ANK3: variants seen among roughly 807,000 people sequenced by gnomAD.
The protein encoded by ANK3 is ankyrin-3.
A neutral mutation model predicts 370.9 loss-of-function variants in ANK3; 57 were observed. The ratio of observed to expected loss-of-function variants is 0.15; its 90% confidence interval spans 0.12 to 0.19. The LOEUF is 0.19. ANK3 is among the 10% of genes least tolerant of loss of function. The pLI is 1.00. For missense variants in ANK3, 4,439 were observed against 5,302.1 expected, an observed-to-expected ratio of 0.84 and a Z score of 5.06; for synonymous variants, 1,929 against 1,946.3, an observed-to-expected ratio of 0.99 and a Z score of 0.23.
At chr10:60,386,535 C>T (rs974799191) in intron 1 of ANK3, among the ~76,000 whole-genome samples, 1 of 150,318 alleles carries the variant, frequency 6.7e-6, no homozygotes, top group Non-Finnish European at 1.5e-5. Flanking sequence ...AAGTTCTGTA[C>T]TGCTTTTTTT....
chr10:60,516,774 C>A (rs1251961887), intron 2 of ANK3, among the ~76,000 whole-genome samples: 1 of 152,040 alleles, frequency 6.6e-6, no homozygotes, highest in Non-Finnish European at 1.5e-5. Context: ...CAAGACCCTA[C>A]TTTGTACATT....
intron 2 of ANK3, among the ~76,000 whole-genome samples, chr10:60,518,337 C>G (rs2076271272): frequency 1.3e-5 from 2 of 152,084 alleles, no homozygotes; most frequent in South Asian, 2.1e-4. Flanking sequence ...ACGTAGCAGG[C>G]CTATACTGTT....
At chr10:60,055,485 A>G (rs916246471) in intron 42 of ANK3, among the ~76,000 whole-genome samples, 173 bp downstream of exon 42, 3 of 151,900 alleles carry the variant, frequency 2.0e-5, no homozygotes, top group African/African-American at 7.3e-5. Context: ...TTTTTTACCT[A>G]TGTGTTTAAC....
chr10:60,548,206 CTTTTTTTTTTTTTTTTTTT>C (rs537459971), intron 2 of ANK3, among the ~76,000 whole-genome samples: 1 of 88,342 alleles, frequency 1.1e-5, no homozygotes, highest in African/African-American at 4.3e-5. Flanking sequence ...TAAATATTTC[CTTTTTTTTTTTTTTTTTTT>C]TTTTTTTTTG....
In ANK3 at chr10:60,138,946, A is replaced by T; in HGVS notation, c.2738+18T>A. The T allele has an allele frequency of 6.2e-7, 1 of 1,611,594 alleles. No homozygotes were observed. Among genetic ancestry groups the T allele is most frequent in the Non-Finnish European group, 8.5e-7 (1 of 1,179,284 alleles). On this transcript the variant is annotated intron_variant, in intron 24 of 43. Transcript: ENST00000280772. The stretch of plus-strand genomic sequence containing the variant: ...GGTTGTTTTAAATTAACTATGAAAG[A>T]CAGCAACAACGAAGTACCTGGCAGA...
At chr10:60,528,137 C>T (rs2893838) in intron 2 of ANK3, among the ~76,000 whole-genome samples, 63,283 of 110,288 alleles carry the variant, frequency 0.57, 16,733 homozygotes, top group South Asian at 0.66. Flanking sequence ...TCTTCTTCTT[C>T]TTTTTTTTTT....
chr10:60,131,307 T>C (rs2094053251), intron 25 of ANK3, among the ~76,000 whole-genome samples: 1 of 152,228 alleles, frequency 6.6e-6, no homozygotes, highest in Non-Finnish European at 1.5e-5. Context: ...TGGATTTGCA[T>C]GGATCTGAGT....
chr10:60,123,489 A>T (rs2132143798), intron 25 of ANK3, among the ~76,000 whole-genome samples: 1 of 152,344 alleles, frequency 6.6e-6, no homozygotes, highest in East Asian at 1.9e-4. Context: ...AGGCAGGGTC[A>T]AGAAAGTGTT....
In ANK3 at chr10:60,072,622, C is replaced by A; in HGVS notation, c.8259G>T (p.Glu2753Asp). The A allele has an allele frequency of 6.2e-7, 1 of 1,614,052 alleles. No individual in the cohort carries two copies. The highest frequency in any genetic ancestry group is 8.5e-7 in the Non-Finnish European group (1 of 1,180,004). Residue 2753 changes from glutamate to aspartate, a missense_variant, in exon 37 of 44, where the codon GAG becomes GAT. Physicochemically the swap from Glu to Asp is conservative, Grantham distance 45 (BLOSUM62 2). Coordinates refer to ENST00000280772, the MANE Select transcript of ANK3 (RefSeq NM_020987.5). ...QSRIPVKKIQ[E>D]SKLPVYQVFA... The stretch of plus-strand genomic sequence containing the variant: ...AAACTTGGTAGACGGGTAGCTTGCT[C>A]TCCTGTATTTTTTTAACTGGGATTC...
intron 2 of ANK3, among the ~76,000 whole-genome samples, chr10:60,473,179 C>A (rs1347006442): frequency 6.6e-6 from 1 of 152,098 alleles, no homozygotes; most frequent in East Asian, 1.9e-4. Flanking sequence ...TCTATAGACA[C>A]CCACAGACAT....
intron 2 of ANK3, among the ~76,000 whole-genome samples, chr10:60,406,968 A>G (rs1357372801): frequency 1.3e-5 from 2 of 152,246 alleles, no homozygotes; most frequent in African/African-American, 4.8e-5. Context: ...TTAATCAGCC[A>G]TAATAGATCT....
rs754734548 is a variant in ANK3 at position 60,074,387 on chromosome 10, G to C, written c.6494C>G (p.Thr2165Arg). The change falls in exon 37 of 44, where the codon ACA (threonine) becomes AGA (arginine). Residue 2165 changes from threonine to arginine, a missense_variant. By Grantham distance (71) the Thr-to-Arg change is moderately conservative. Transcript: ENST00000280772. ...EVPIPPVITE[T>R]RTEVVHVIRS... ...GATAACATGAACCACTTCAGTTCTT[G>C]TTTCTGTAATGACAGGAGGGATGGG... 1 of 1,614,088 alleles carries C rather than the reference G, an allele frequency of 6.2e-7. No homozygotes were observed. The highest frequency in any genetic ancestry group is 1.1e-5 in the South Asian group (1 of 91,074).
intron 8 of ANK3, among the ~76,000 whole-genome samples, chr10:60,221,200 C>T (rs1354645376): frequency 6.6e-6 from 1 of 151,966 alleles, no homozygotes; most frequent in African/African-American, 2.4e-5. Flanking sequence ...TTGCTTCAGC[C>T]TCCTGAGCAG....
chr10:60,260,501 C>T (rs1413212531), intron 7 of ANK3, among the ~76,000 whole-genome samples: 2 of 152,162 alleles, frequency 1.3e-5, no homozygotes, highest in African/African-American at 2.4e-5. Context: ...TCAAATGCTA[C>T]GTTCAAAATA....
In ANK3 at chr10:60,075,287, G is replaced by C. The variant is rs763634827; in HGVS notation, c.5594C>G (p.Pro1865Arg). The C allele has an allele frequency of 1.2e-6, 2 of 1,614,166 alleles. No homozygotes were observed. Among genetic ancestry groups the C allele is most frequent in the African/African-American group, 2.7e-5 (2 of 75,062 alleles). ...TGAAGTTCGACTGAAGTGAGGCTGA[G>C]GATGTGTCTCCGTAGTCAATGTTTT... Reference protein sequence around the residue: ...PIKTLTTETHPQPHFSRTSSP... With the variant: ...PIKTLTTETHRQPHFSRTSSP... Residue 1865 changes from proline to arginine, a missense_variant, in exon 37 of 44, where the codon CCT (proline) becomes CGT (arginine). Coordinates refer to ENST00000280772, the MANE Select transcript of ANK3 (RefSeq NM_020987.5).
chr10:60,537,878 T>C (rs1044599553), intron 2 of ANK3, among the ~76,000 whole-genome samples: 4 of 151,968 alleles, frequency 2.6e-5, no homozygotes, highest in Admixed American at 2.6e-4. Context: ...TCATTTTCCT[T>C]TGTCACTGTT....
intron 2 of ANK3, among the ~76,000 whole-genome samples, chr10:60,415,915 T>TTCCC (rs2063652402): frequency 1.1e-5 from 1 of 94,730 alleles, no homozygotes; most frequent in African/African-American, 4.0e-5. Flanking sequence ...TCTGAATTTG[T>TTCCC]GCCCCCCACC....
chr10:60,475,720 T>C (rs1412562750), intron 2 of ANK3, among the ~76,000 whole-genome samples: 1 of 152,212 alleles, frequency 6.6e-6, no homozygotes, highest in Non-Finnish European at 1.5e-5. Flanking sequence ...TTATTCCCAC[T>C]ACCTACTGGT....
chr10:60,514,864 G>A (rs1221943657), intron 2 of ANK3, among the ~76,000 whole-genome samples: 1 of 152,068 alleles, frequency 6.6e-6, no homozygotes, highest in Admixed American at 6.6e-5. Flanking sequence ...ACATAAAAGT[G>A]TATCAAATAA....
Sources: gnomAD v4.1 joint callset for allele counts (sites outside exome capture counted in the v4.1 genomes callset) on GRCh38, gnomAD v4.1.1 for gene constraint, MANE v1.5 for transcripts, NCBI Gene and HGNC (gene_info 2026-07-23, HGNC 2026-07-21) for gene names.